The following CDH18 variants were observed in gnomAD, a reference collection of about 807,000 sequenced individuals.
The protein encoded by CDH18 is cadherin-18.
Under a neutral mutation model 67.9 loss-of-function variants are expected in CDH18, and 31 were observed. The ratio of observed to expected loss-of-function variants is 0.46; its 90% CI spans 0.34 to 0.62. The LOEUF is 0.62. Among genes scored for constraint, CDH18 ranks in the 20% least tolerant of loss-of-function variants. CDH18 has a pLI of 0.01. For synonymous variants in CDH18, 362 were observed against 347.2 expected (o/e 1.04, Z -0.48); for missense variants, 890 against 975.5 (o/e 0.91, Z 1.17).
At chr5:19,507,148 G>C (rs1442152052) in intron 10 of CDH18, among the ~76,000 whole-genome samples, 6 of 152,148 alleles carry the variant, frequency 3.9e-5, no homozygotes, top group African/African-American at 1.4e-4. Context: ...AAAGACACAT[G>C]AAAAAATGCT....
rs1279403547 is a variant in CDH18, at chr5:19,667,364, ATACT to A, written c.643+53979_643+53982del. Among the ~76,000 whole-genome samples, 6 of 151,398 alleles carry A rather than the reference ATACT, an allele frequency of 4.0e-5. No individual in the cohort carries two copies. The East Asian group carries it at 5.8e-4, about 15-fold the overall frequency. On this transcript the variant is annotated intron_variant, in intron 5 of 12. Transcript: ENST00000382275. ...TTTTATGTGGTAGTAAATAAATATA[ATACT>A]TAATCAGTTAATTATTAAAATAGAT...
chr5:20,091,249 G>T (rs776753731), intron 2 of CDH18, among the ~76,000 whole-genome samples: 8 of 151,942 alleles, frequency 5.3e-5, no homozygotes, highest in Non-Finnish European at 1.2e-4. Flanking sequence ...CCTTTGAGAG[G>T]CTGAGTCCCA....
At chr5:20,214,535 T>C (rs745611227) in intron 2 of CDH18, among the ~76,000 whole-genome samples, 1 of 151,916 alleles carries the variant, frequency 6.6e-6, no homozygotes, top group Non-Finnish European at 1.5e-5. Flanking sequence ...TAAGGCTGCA[T>C]ACCTACAACT....
intron 1 of CDH18, among the ~76,000 whole-genome samples, chr5:20,505,927 G>T (rs2126463696): frequency 6.6e-6 from 1 of 152,244 alleles, no homozygotes; most frequent in African/African-American, 2.4e-5. Flanking sequence ...CCATCAGTTA[G>T]GACACCACAC....
At chr5:20,251,844 T>C (rs946836315) in intron 2 of CDH18, among the ~76,000 whole-genome samples, 19 of 152,186 alleles carry the variant, frequency 1.2e-4, no homozygotes, top group South Asian at 2.1e-4. Context: ...TTTGAGAATA[T>C]CTAATGTTTT....
intron 2 of CDH18, among the ~76,000 whole-genome samples, chr5:20,200,977 A>G (rs1420578277): frequency 6.6e-6 from 1 of 152,052 alleles, no homozygotes; most frequent in African/African-American, 2.4e-5. Context: ...CTGTAATCTA[A>G]TTGTATTATC....
intron 2 of CDH18, among the ~76,000 whole-genome samples, chr5:20,149,508 A>G (rs1750933881): frequency 6.6e-6 from 1 of 152,188 alleles, no homozygotes; most frequent in African/African-American, 2.4e-5. Flanking sequence ...TAACACTGCT[A>G]TCAGTTGTTA....
At chr5:19,590,506 A>ATAGATAGATAGATAGATAGC (rs1744936649) in intron 7 of CDH18, among the ~76,000 whole-genome samples, 1 of 152,032 alleles carries the variant, frequency 6.6e-6, no homozygotes, top group South Asian at 2.1e-4. Context: ...AGATAGATAG[A>ATAGATAGATAGATAGATAGC]TAGACAGACA....
At chr5:20,066,465 A>C (rs530573126) in intron 2 of CDH18, among the ~76,000 whole-genome samples, 28 of 152,210 alleles carry the variant, frequency 1.8e-4, no homozygotes, top group Admixed American at 1.5e-3. Flanking sequence ...TTTTTTGGGA[A>C]TATGACTTGA....
At chr5:20,356,753 C>CTATATATATATATATA (rs35935150) in intron 1 of CDH18, among the ~76,000 whole-genome samples, 1 of 121,552 alleles carries the variant, frequency 8.2e-6, no homozygotes, top group African/African-American at 3.1e-5. Flanking sequence ...CTCTCTCTCT[C>CTATATATATATATATA]TATATATATA....
chr5:19,987,822 A>C (rs898739063), intron 1 of CDH18, among the ~76,000 whole-genome samples: 3 of 152,180 alleles, frequency 2.0e-5, no homozygotes, highest in African/African-American at 4.8e-5. Context: ...AGATAAACAT[A>C]AACAGACACG....
intron 2 of CDH18, among the ~76,000 whole-genome samples, chr5:20,060,232 A>AG (rs773097522): frequency 3.5e-4 from 53 of 152,160 alleles, no homozygotes; most frequent in Admixed American, 5.9e-4. Flanking sequence ...TGGGAGGCCG[A>AG]GGTGGGCAGA....
intron 4 of CDH18, among the ~76,000 whole-genome samples, chr5:19,727,223 C>T (rs1203313279): frequency 2.6e-5 from 4 of 152,116 alleles, no homozygotes; most frequent in African/African-American, 4.8e-5. Flanking sequence ...GTCCTAATCC[C>T]CAGTACCTCA....
At chr5:20,549,450 C>T (rs1454224948) in intron 1 of CDH18, among the ~76,000 whole-genome samples, 3 of 151,980 alleles carry the variant, frequency 2.0e-5, no homozygotes, top group Admixed American at 6.6e-5. Flanking sequence ...ACTGCAAAGA[C>T]TTCAATATCT....
At chr5:19,832,446 T>C (rs1781155096) in intron 3 of CDH18, among the ~76,000 whole-genome samples, 1 of 152,092 alleles carries the variant, frequency 6.6e-6, no homozygotes, top group Admixed American at 6.6e-5. Context: ...TGACAAAATG[T>C]TTGCTGGCAT....
intron 2 of CDH18, among the ~76,000 whole-genome samples, chr5:20,107,756 C>CT (rs200374165): frequency 2.7e-4 from 40 of 149,060 alleles, no homozygotes; most frequent in Middle Eastern, 3.5e-3. Flanking sequence ...TTTTCCACTT[C>CT]TTTTTTTTTT....
chr5:19,968,696 G>T lies in CDH18; in HGVS notation c.-257+12364C>A, dbSNP rs536486002. On this transcript the variant is annotated intron_variant, in intron 2 of 12. Transcript: ENST00000382275. ...ACACCTTATATAAAAATTAATTCAAGATGGATTAAAGACTTAAACATTAGA... is the reference window on the plus strand; with the variant it reads ...ACACCTTATATAAAAATTAATTCAATATGGATTAAAGACTTAAACATTAGA... 5.0e-3 allele frequency among the ~76,000 whole-genome samples: 712 copies of T among 142,914 alleles called. 56 individuals are homozygous for T. Among genetic ancestry groups the T allele is most frequent in the African/African-American group, 0.02 (674 of 33,164 alleles). 93.8% of individuals were successfully genotyped at this position (142,914 alleles called of 152,430 possible). A position where few individuals can be genotyped will look rare whatever the true frequency, so the allele number is the denominator to read the frequency against.
intron 5 of CDH18, among the ~76,000 whole-genome samples, chr5:19,679,187 A>C (rs1759910648): frequency 6.6e-6 from 1 of 152,088 alleles, no homozygotes; most frequent in Admixed American, 6.6e-5. Context: ...CATAAACAGA[A>C]CTAAAAGCAA....
chr5:20,426,192 C>A (rs1359018167), intron 1 of CDH18, among the ~76,000 whole-genome samples: 1 of 151,034 alleles, frequency 6.6e-6, no homozygotes, highest in South Asian at 2.1e-4. Flanking sequence ...TATTGAATAG[C>A]AGGATATTAA....
Sources: allele counts gnomAD v4.1 joint callset (sites outside exome capture counted in the v4.1 genomes callset), GRCh38; gene constraint gnomAD v4.1.1; transcripts MANE v1.5; gene names NCBI Gene and HGNC (gene_info 2026-07-23, HGNC 2026-07-21).